Variants in ANKFN1 observed in about 807,000 individuals in gnomAD.
ANKFN1 encodes the protein ankyrin repeat and fibronectin type-III domain-containing protein 1.
In ANKFN1, 74 loss-of-function variants were observed where a neutral mutation model predicts 108.7. The ratio of observed to expected loss-of-function variants is 0.68; its 90% CI spans 0.56 to 0.83. The LOEUF is 0.83. ANKFN1 is among the 40% of genes least tolerant of loss of function. The pLI, the probability that ANKFN1 is intolerant of heterozygous loss-of-function variation, is 0.00. For missense variants in ANKFN1, 1,505 were observed against 1,382.3 expected (o/e 1.09, Z -1.41); for synonymous variants, 547 against 516.2 (o/e 1.06, Z -0.81).
At chr17:56,222,859 A>G (rs752082040) in intron 2 of ANKFN1, among the ~76,000 whole-genome samples, 1 of 152,238 alleles carries the variant, frequency 6.6e-6, no homozygotes, top group Non-Finnish European at 1.5e-5. Context: ...TTGCAATTCT[A>G]AGAACTACTT....
intron 3 of ANKFN1, among the ~76,000 whole-genome samples, chr17:56,235,712 T>C (rs1241654387): frequency 2.6e-5 from 4 of 152,174 alleles, no homozygotes; most frequent in Admixed American, 2.6e-4. Context: ...CATTGGCCTA[T>C]GTGTCTATTT....
intron 4 of ANKFN1, among the ~76,000 whole-genome samples, chr17:56,063,380 C>A: frequency 6.6e-6 from 1 of 151,766 alleles, no homozygotes; most frequent in East Asian, 1.9e-4. Flanking sequence ...TTTCCTCGTA[C>A]TCCAATCAAT....
intron 1 of ANKFN1, among the ~76,000 whole-genome samples, chr17:56,191,324 T>C (rs1231909061): frequency 2.0e-5 from 1 of 49,128 alleles, no homozygotes; most frequent in East Asian, 2.3e-3. Context: ...GTCTTTACAT[T>C]TTGGCATGAT....
chr17:56,329,008 A>C (rs7222986), intron 4 of ANKFN1, among the ~76,000 whole-genome samples: 75,804 of 151,956 alleles, frequency 0.5, 19,312 homozygotes, highest in Middle Eastern at 0.57. Context: ...AGAGCTCCAT[A>C]CTTGGTTGTC....
chr17:56,464,665 C>A (rs2050018504), intron 14 of ANKFN1, among the ~76,000 whole-genome samples: 1 of 152,094 alleles, frequency 6.6e-6, no homozygotes, highest in Admixed American at 6.5e-5. Context: ...CCAATTAGAG[C>A]AGTAAAGAAA....
intron 8 of ANKFN1, among the ~76,000 whole-genome samples, chr17:56,382,147 C>G (rs138425288): frequency 0.064 from 9,769 of 152,228 alleles, 1,042 homozygotes; most frequent in African/African-American, 0.22. Flanking sequence ...AGAAACTCTA[C>G]AAGCCAGAAG....
At chr17:56,483,829 G>C (rs2050781666) in intron 18 of ANKFN1, among the ~76,000 whole-genome samples, 2 of 152,100 alleles carry the variant, frequency 1.3e-5, no homozygotes, top group Non-Finnish European at 2.9e-5. Flanking sequence ...GTGTCTATTC[G>C]GTGCCCACTG....
intron 13 of ANKFN1, 44 bp from the exon 14 acceptor site, chr17:56,457,819 G>A: frequency 3.4e-6 from 5 of 1,452,104 alleles, no homozygotes; most frequent in Non-Finnish European, 4.8e-6. Flanking sequence ...CCTAAATCAT[G>A]TACTGGCTTG....
upstream of ANKFN1, among the ~76,000 whole-genome samples, chr17:56,150,733 C>G (rs1908551729): frequency 6.6e-6 from 1 of 151,992 alleles, no homozygotes; most frequent in Admixed American, 6.6e-5. Context: ...GTAACATAAC[C>G]CCAGGTTAGC....
At chr17:56,183,103 C>T (rs1022597367) in intron 1 of ANKFN1, among the ~76,000 whole-genome samples, 5 of 152,162 alleles carry the variant, frequency 3.3e-5, no homozygotes, top group Admixed American at 3.3e-4. Context: ...TAGAGATCTG[C>T]AAAGGAGATT....
At chr17:56,426,671 G>C (rs1474263022) in intron 8 of ANKFN1, among the ~76,000 whole-genome samples, 1 of 152,174 alleles carries the variant, frequency 6.6e-6, no homozygotes, top group Non-Finnish European at 1.5e-5. Flanking sequence ...CCCTTGCTAG[G>C]ATATGCAATG....
At chr17:56,217,807 C>G (rs7211805) in intron 2 of ANKFN1, among the ~76,000 whole-genome samples, 19,439 of 151,940 alleles carry the variant, frequency 0.13, 1,727 homozygotes, top group African/African-American at 0.24. Context: ...CTTGTCTTTC[C>G]CCAGTTAAGG....
chr17:56,404,596 C>T (rs753827990), intron 8 of ANKFN1, among the ~76,000 whole-genome samples: 2 of 152,136 alleles, frequency 1.3e-5, no homozygotes, highest in Non-Finnish European at 2.9e-5. Flanking sequence ...TTGCATTGGG[C>T]TTCACCTTTC....
At chr17:56,484,041 G>T (rs186036496) in intron 18 of ANKFN1, among the ~76,000 whole-genome samples, 1 of 152,288 alleles carries the variant, frequency 6.6e-6, no homozygotes, top group Non-Finnish European at 1.5e-5. Flanking sequence ...TATCTGATGT[G>T]GGGTGTTGAA....
At chr17:56,200,411 A>G (rs562130707) in intron 1 of ANKFN1, among the ~76,000 whole-genome samples, 4 of 152,346 alleles carry the variant, frequency 2.6e-5, no homozygotes, top group African/African-American at 9.6e-5. Flanking sequence ...TCCTGGTTTT[A>G]GTTGCTTCAT....
intron 4 of ANKFN1, among the ~76,000 whole-genome samples, chr17:56,349,197 G>C (rs769882081): frequency 5.3e-5 from 8 of 152,066 alleles, no homozygotes; most frequent in Admixed American, 2.0e-4. Context: ...TGGACACATG[G>C]CGAGGAACAA....
chr17:56,440,360 T>G lies in ANKFN1; in HGVS notation c.944T>G (p.Leu315Trp). Residue 315 changes from leucine (L) to tryptophan (W), a missense_variant, in exon 9 of 21, where the codon TTG becomes TGG. Leu to Trp is a moderately conservative substitution (Grantham distance 61, BLOSUM62 -2). Coordinates refer to ENST00000682825, the MANE Select transcript of ANKFN1 (RefSeq NM_001370326.1). ...EWSMSEDFSP[L>W]AGEIIMDNLQ... ...AGTATGTCCGAAGACTTTTCTCCTTTGGCTGGAGAAATCATCATGGATAAT... is the reference window on the plus strand; with the variant it reads ...AGTATGTCCGAAGACTTTTCTCCTTGGGCTGGAGAAATCATCATGGATAAT... 2 of 1,612,822 alleles carry G rather than the reference T, an allele frequency of 1.2e-6. No individual in the cohort carries two copies. Among genetic ancestry groups the G allele is most frequent in the Non-Finnish European group, 1.7e-6 (2 of 1,179,148 alleles).
chr17:56,046,513 T>C (rs1277573383), intron 4 of ANKFN1, among the ~76,000 whole-genome samples: 1 of 151,348 alleles, frequency 6.6e-6, no homozygotes, highest in African/African-American at 2.4e-5. Context: ...CTCTGCAGAT[T>C]ATAAAAAAAA....
chr17:56,297,387 G>C (rs938953897), intron 3 of ANKFN1, among the ~76,000 whole-genome samples: 4 of 152,198 alleles, frequency 2.6e-5, no homozygotes, highest in African/African-American at 9.7e-5. Flanking sequence ...AAGGGCAGGA[G>C]GGTGAGAGCA....
Sources: gnomAD v4.1 joint callset for allele counts (sites outside exome capture counted in the v4.1 genomes callset) on GRCh38, gnomAD v4.1.1 for gene constraint, MANE v1.5 for transcripts, NCBI Gene and HGNC (gene_info 2026-07-23, HGNC 2026-07-21) for gene names.